Variants in SGPP2 observed in about 807,000 individuals in gnomAD.
SGPP2 encodes sphingosine 1-phosphate phosphohydrolase 2.
SGPP2 carries 30 observed loss-of-function variants against 33.9 expected under a neutral mutation model. The ratio of observed to expected loss-of-function variants is 0.89; its 90% CI spans 0.66 to 1.20. The LOEUF is 1.20. Among genes scored for constraint, SGPP2 ranks in the 50% most tolerant of loss-of-function variants. The probability of loss-of-function intolerance (pLI) is 0.00; values close to 1 mark genes in which losing one functional copy is unlikely to be tolerated. For missense variants in SGPP2, 458 were observed against 532.1 expected, an observed-to-expected ratio of 0.86 and a Z score of 1.37; for synonymous variants, 233 against 225.0, an observed-to-expected ratio of 1.04 and a Z score of -0.32.
chr2:222,522,118 T>C (rs1698695636), intron 3 of SGPP2, among the ~76,000 whole-genome samples, 172 bp downstream of exon 3: 1 of 152,222 alleles, frequency 6.6e-6, no homozygotes, highest in Non-Finnish European at 1.5e-5. Flanking sequence ...ATAAAGTGAC[T>C]ATATAATTTA....
In SGPP2 at chr2:222,424,818, G is replaced by A. The variant is rs1242559910; in HGVS notation, c.216G>A (p.Pro72=). The A allele has an allele frequency of 2.2e-6, 3 of 1,364,896 alleles. No homozygotes were observed. Among genetic ancestry groups the A allele is most frequent in the East Asian group, 3.1e-5 (1 of 32,064 alleles). 84.5% of individuals were successfully genotyped at this position (1,364,896 alleles called of 1,614,324 possible). A position where few individuals can be genotyped will look rare whatever the true frequency, so the allele number is the denominator to read the frequency against. Residue 72 remains proline (P), a synonymous_variant, in exon 1 of 5, where the codon CCG becomes CCA. Coordinates refer to ENST00000321276, the MANE Select transcript of SGPP2 (RefSeq NM_152386.4). ...ACGGGCTGCGCAGAGCCGCGGCGCC[G>A]GAGGTAACCATGGGCAGGTGTTCGC... The part of the protein sequence containing the change: ...PANGLRRAAA[P]EAYVQKYVVK...
chr2:222,453,900 G>A (rs1421989931), intron 1 of SGPP2, among the ~76,000 whole-genome samples: 1 of 152,138 alleles, frequency 6.6e-6, no homozygotes, highest in Non-Finnish European at 1.5e-5. Flanking sequence ...TTGAGGAAAC[G>A]GAGGCACAGT....
At chr2:222,527,969 T>A (rs1243675212) in intron 4 of SGPP2, among the ~76,000 whole-genome samples, 7 of 152,124 alleles carry the variant, frequency 4.6e-5, no homozygotes, top group Non-Finnish European at 1.0e-4. Context: ...GGTGTCCAAG[T>A]CTACTGAAGG....
intron 2 of SGPP2, among the ~76,000 whole-genome samples, chr2:222,478,118 G>A (rs1697975751): frequency 6.6e-6 from 1 of 150,962 alleles, no homozygotes; most frequent in African/African-American, 2.4e-5. Flanking sequence ...GCGTAAGGTA[G>A]TGTGTGCGTT....
At chr2:222,481,655 T>G (rs1698030821) in intron 2 of SGPP2, among the ~76,000 whole-genome samples, 1 of 152,174 alleles carries the variant, frequency 6.6e-6, no homozygotes, top group Non-Finnish European at 1.5e-5. Flanking sequence ...ACCTCCCAGG[T>G]CCTTTACAGG....
At chr2:222,429,043 C>T (rs1031850164) in intron 1 of SGPP2, among the ~76,000 whole-genome samples, 1 of 152,150 alleles carries the variant, frequency 6.6e-6, no homozygotes, top group African/African-American at 2.4e-5. Flanking sequence ...GTGCCTGCCT[C>T]AGCCTCCCAA....
intron 2 of SGPP2, among the ~76,000 whole-genome samples, chr2:222,501,610 C>A (rs1211456810): frequency 6.6e-6 from 1 of 152,160 alleles, no homozygotes; most frequent in Non-Finnish European, 1.5e-5. Flanking sequence ...CCTGACCTCA[C>A]CTCATCAGGA....
chr2:222,551,876 A>G lies in SGPP2; in HGVS notation c.649-6471A>G, dbSNP rs1689300107. On this transcript the variant is annotated intron_variant, in intron 4 of 4. Coordinates refer to ENST00000321276, the MANE Select transcript of SGPP2 (RefSeq NM_152386.4). ...AAACAATGGGTACTAAGTATTATAGATAATTGGGATAAGGGAAAGGCATTC... is the reference window on the plus strand; with the variant it reads ...AAACAATGGGTACTAAGTATTATAGGTAATTGGGATAAGGGAAAGGCATTC... Among the ~76,000 whole-genome samples the G allele has an allele frequency of 2.6e-5, 4 of 152,246 alleles. No individual in the cohort carries two copies. In the South Asian group the frequency reaches 8.3e-4, roughly 32 times the overall value.
At chr2:222,514,297 T>C (rs1698572439) in intron 2 of SGPP2, among the ~76,000 whole-genome samples, 1 of 152,202 alleles carries the variant, frequency 6.6e-6, no homozygotes, top group Admixed American at 6.5e-5. Flanking sequence ...AATACAATAA[T>C]CAGCATTTCC....
chr2:222,493,822 T>C (rs746539618), intron 2 of SGPP2, among the ~76,000 whole-genome samples: 3 of 152,206 alleles, frequency 2.0e-5, no homozygotes, highest in Non-Finnish European at 4.4e-5. Context: ...ATAAGATTTA[T>C]AGGAGGCTAT....
chr2:222,451,569 A>T (rs765567036), intron 1 of SGPP2, among the ~76,000 whole-genome samples: 38 of 152,196 alleles, frequency 2.5e-4, no homozygotes, highest in Non-Finnish European at 4.9e-4. Context: ...CTGTGTCGTG[A>T]GGCACAGCCA....
chr2:222,452,326 G>GGA, intron 1 of SGPP2: 1 of 654,572 alleles, frequency 1.5e-6, no homozygotes, highest in Non-Finnish European at 2.8e-6. Context: ...ATCCTATGAG[G>GGA]GAGGGGAGGA....
At chr2:222,452,848 A>G (rs1291190061) in intron 1 of SGPP2, 7 of 1,607,868 alleles carry the variant, frequency 4.4e-6, no homozygotes, top group Non-Finnish European at 6.0e-6. Flanking sequence ...TTTTTCTGCC[A>G]CCTCTTAGAT....
At chr2:222,472,868 G>A (rs1697867341) in intron 1 of SGPP2, among the ~76,000 whole-genome samples, 1 of 152,106 alleles carries the variant, frequency 6.6e-6, no homozygotes, top group African/African-American at 2.4e-5. Flanking sequence ...ACAAAAATAA[G>A]CCAGGCATGG....
Position 222,550,034 on chromosome 2 carries a change from G to A in SGPP2, c.649-8313G>A, listed in dbSNP as rs1434869932. On this transcript the variant is annotated intron_variant, in intron 4 of 4. Transcript: ENST00000321276. The surrounding 1 kb of genome is among the most constrained non-coding windows in gnomAD (Gnocchi z 4.5). ...TGGAACTACAGGCACGCGCCACCAC[G>A]TCTGGTTAATTTTTTTGTATTTTTT... is the stretch of plus-strand genomic sequence containing the variant. Among the ~76,000 whole-genome samples the A allele has an allele frequency of 6.6e-6, 1 of 151,854 alleles. No homozygotes were observed. The highest frequency in any genetic ancestry group is 6.6e-5 in the Admixed American group (1 of 15,246).
intron 4 of SGPP2, 71 bp from the exon 5 acceptor site, chr2:222,558,276 T>C (rs774006927): frequency 1.4e-4 from 204 of 1,478,624 alleles, no homozygotes; most frequent in Non-Finnish European, 1.8e-4. Context: ...TAGCCATACT[T>C]GATTCAAATT....
intron 1 of SGPP2, among the ~76,000 whole-genome samples, chr2:222,436,323 G>A (rs138875735): frequency 2.0e-5 from 3 of 152,282 alleles, no homozygotes; most frequent in South Asian, 2.1e-4. Flanking sequence ...ATCCCTAGGG[G>A]TGATGGTGAG....
intron 3 of SGPP2, among the ~76,000 whole-genome samples, chr2:222,524,331 C>T (rs892528658): frequency 6.6e-6 from 1 of 152,178 alleles, no homozygotes; most frequent in Non-Finnish European, 1.5e-5. Context: ...CTATGTCTAG[C>T]TTATAAGCAG....
chr2:222,435,018 GTATATGTGTGTATA>G (rs1559142631), intron 1 of SGPP2, among the ~76,000 whole-genome samples: 2 of 18,942 alleles, frequency 1.1e-4, no homozygotes, highest in African/African-American at 3.0e-4. Context: ...ACACATATGT[GTATATGTGTGTATA>G]TATATGTGTA....
Sources: allele counts gnomAD v4.1 joint callset (sites outside exome capture counted in the v4.1 genomes callset), GRCh38; gene constraint gnomAD v4.1.1; non-coding constraint Gnocchi (gnomAD v3.1); transcripts MANE v1.5; gene names NCBI Gene and HGNC (gene_info 2026-07-23, HGNC 2026-07-21).